Variants in CHN1 observed in about 807,000 individuals in gnomAD.
CHN1 encodes the protein N-chimaerin.
A neutral mutation model predicts 59.5 loss-of-function variants in CHN1; 37 were observed. The ratio of observed to expected loss-of-function variants is 0.62; its 90% CI spans 0.48 to 0.82. The LOEUF is 0.82. CHN1 is among the 40% of genes least tolerant of loss of function. CHN1 has a pLI of 0.00. For missense variants in CHN1, 469 were observed against 571.0 expected, an observed-to-expected ratio of 0.82 and a Z score of 1.82; for synonymous variants, 206 against 200.4, an observed-to-expected ratio of 1.03 and a Z score of -0.24.
intron 1 of CHN1, among the ~76,000 whole-genome samples, chr2:175,001,215 C>A (rs911332359): frequency 6.6e-6 from 1 of 152,178 alleles, no homozygotes; most frequent in African/African-American, 2.4e-5. Context: ...CTGGGCCAGC[C>A]TCTTGTATTC....
intron 8 of CHN1, among the ~76,000 whole-genome samples, chr2:174,820,693 ATCGCT>A: frequency 6.6e-6 from 1 of 152,312 alleles, no homozygotes; most frequent in South Asian, 2.1e-4. Context: ...AGTTGTCCTC[ATCGCT>A]GCGGTGTGCT....
intron 3 of CHN1, among the ~76,000 whole-genome samples, chr2:174,928,678 G>A (rs1202112139): frequency 1.3e-5 from 2 of 152,194 alleles, no homozygotes; most frequent in African/African-American, 4.8e-5. Flanking sequence ...ATTACTACCA[G>A]TTATCTACAA....
At chr2:174,907,342 C>T (rs1307745111) in intron 5 of CHN1, among the ~76,000 whole-genome samples, 1 of 152,132 alleles carries the variant, frequency 6.6e-6, no homozygotes, top group Non-Finnish European at 1.5e-5. Flanking sequence ...ACCCATGTGG[C>T]TCCTTTCTCC....
chr2:174,860,544 C>T (rs1249937887), intron 6 of CHN1, among the ~76,000 whole-genome samples: 1 of 152,084 alleles, frequency 6.6e-6, no homozygotes, highest in East Asian at 1.9e-4. Flanking sequence ...TTTCACTCAG[C>T]ATACATTTTA....
chr2:174,990,430 G>A (rs1168373557), intron 1 of CHN1, among the ~76,000 whole-genome samples: 1 of 152,050 alleles, frequency 6.6e-6, no homozygotes, highest in African/African-American at 2.4e-5. Context: ...AGGAACAGCA[G>A]ATCTTCCCCT....
chr2:174,845,005 C>G (rs1009664886), intron 7 of CHN1, among the ~76,000 whole-genome samples: 3 of 151,838 alleles, frequency 2.0e-5, no homozygotes, highest in African/African-American at 7.3e-5. Flanking sequence ...GTTTAGATAC[C>G]AAGGTAAGAG....
At chr2:174,847,812 G>A (rs1477436368) in intron 6 of CHN1, 5 of 491,328 alleles carry the variant, frequency 1.0e-5, no homozygotes, top group African/African-American at 2.7e-5. Context: ...TCAGTGGGAA[G>A]GTAATGAGAA....
chr2:174,912,184 A>T (rs2105367667), intron 5 of CHN1, among the ~76,000 whole-genome samples: 1 of 152,302 alleles, frequency 6.6e-6, no homozygotes, highest in African/African-American at 2.4e-5. Context: ...GAAAATTATA[A>T]AACTAAAGTT....
intron 6 of CHN1, among the ~76,000 whole-genome samples, chr2:174,853,718 T>G (rs1344462865): frequency 6.6e-6 from 1 of 152,156 alleles, no homozygotes; most frequent in Non-Finnish European, 1.5e-5. Context: ...AATGGTGGAC[T>G]GGATAAAGAA....
rs34155510 is a variant in CHN1 at position 174,946,900 on chromosome 2, T to TA, written c.59-1958dup. Among the ~76,000 whole-genome samples, 321 of 100,188 alleles carry TA rather than the reference T, an allele frequency of 3.2e-3. 3 individuals carry two copies. Among genetic ancestry groups the TA allele is most frequent in the African/African-American group, 9.6e-3 (253 of 26,488 alleles). 65.7% of individuals were successfully genotyped at this position (100,188 alleles called of 152,430 possible). A position where few individuals can be genotyped will look rare whatever the true frequency, so the allele number is the denominator to read the frequency against. On this transcript the variant is annotated intron_variant, in intron 2 of 12. Coordinates refer to ENST00000409900, the MANE Select transcript of CHN1 (RefSeq NM_001822.7). ...AGCGAGACCCTGTCTCTAAAAAATG[T>TA]AAAAAAAAAAAAAAAAAAAAAAAAA...
At chr2:174,998,234 T>G (rs1574258491) in intron 1 of CHN1, among the ~76,000 whole-genome samples, 1 of 130,060 alleles carries the variant, frequency 7.7e-6, no homozygotes, top group South Asian at 2.4e-4. Context: ...ACCTGGGAGG[T>G]GGAGGTTGCA....
chr2:174,826,253 G>A (rs1685676502), intron 7 of CHN1, among the ~76,000 whole-genome samples: 1 of 152,196 alleles, frequency 6.6e-6, no homozygotes, highest in South Asian at 2.1e-4. Flanking sequence ...TGCTGAAGTA[G>A]AGCCCAAGAT....
At chr2:174,996,752 T>C (rs1185125108) in intron 1 of CHN1, among the ~76,000 whole-genome samples, 1 of 151,994 alleles carries the variant, frequency 6.6e-6, no homozygotes, top group Non-Finnish European at 1.5e-5. Context: ...CTGCCCTCTC[T>C]CCTCTCTCTC....
chr2:174,921,592 T>A (rs1689017698), intron 3 of CHN1, among the ~76,000 whole-genome samples: 1 of 152,070 alleles, frequency 6.6e-6, no homozygotes, highest in Non-Finnish European at 1.5e-5. Context: ...AATAAAGGCA[T>A]ACGTGATGAA....
chr2:174,865,515 T>A (rs1687190876), intron 6 of CHN1, among the ~76,000 whole-genome samples: 1 of 152,118 alleles, frequency 6.6e-6, no homozygotes, highest in African/African-American at 2.4e-5. Context: ...TTAATACCTA[T>A]CCCTAAAAGA....
chr2:174,944,391 A>C (rs1054666585), intron 3 of CHN1, among the ~76,000 whole-genome samples: 12 of 152,352 alleles, frequency 7.9e-5, no homozygotes, highest in Non-Finnish European at 1.5e-4. Context: ...CTGCAAAGTA[A>C]AAATGATCTC....
chr2:174,948,774 G>C lies in CHN1; in HGVS notation c.58+3390C>G, dbSNP rs972834803. 3.3e-5 allele frequency among the ~76,000 whole-genome samples: 5 copies of C among 152,194 alleles called. No homozygotes were observed. The East Asian group carries it at 9.7e-4, about 29-fold the overall frequency. ...TCCTTGAATAGCTTTCAATGGGTGT[G>C]CCACCTTACATGAATTGACATACCT... is the stretch of plus-strand genomic sequence containing the variant. On this transcript the variant is annotated intron_variant, in intron 2 of 12. Transcript: ENST00000409900.
intron 4 of CHN1, among the ~76,000 whole-genome samples, chr2:174,917,290 G>A (rs926301738): frequency 1.3e-5 from 2 of 151,840 alleles, no homozygotes; most frequent in Admixed American, 6.6e-5. Flanking sequence ...AAAAATTAAC[G>A]AGGCATAGTG....
intron 5 of CHN1, among the ~76,000 whole-genome samples, chr2:174,908,957 G>T (rs1688616710): frequency 6.6e-6 from 1 of 152,138 alleles, no homozygotes; most frequent in Non-Finnish European, 1.5e-5. Context: ...CCTAAAGTCA[G>T]TTTGGAAAAC....
Sources: gnomAD v4.1 joint callset for allele counts (sites outside exome capture counted in the v4.1 genomes callset) on GRCh38, gnomAD v4.1.1 for gene constraint, MANE v1.5 for transcripts, NCBI Gene and HGNC (gene_info 2026-07-23, HGNC 2026-07-21) for gene names.